The following EPHA5 variants were observed in gnomAD, a reference collection of about 807,000 sequenced individuals.
EPHA5 encodes EPH receptor A5.
In EPHA5, 60 loss-of-function variants were observed where a neutral mutation model predicts 105.0. The ratio of observed to expected loss-of-function variants is 0.57; its 90% CI spans 0.46 to 0.71. The LOEUF (loss-of-function observed/expected upper bound fraction) is 0.71, where lower values mean the gene tolerates loss of function less well. Among genes scored for constraint, EPHA5 ranks in the 30% least tolerant of loss-of-function variants. The pLI is 0.00. For synonymous variants in EPHA5, 513 were observed against 449.1 expected, an observed-to-expected ratio of 1.14 and a Z score of -1.80; for missense variants, 1,218 against 1,274.7, an observed-to-expected ratio of 0.96 and a Z score of 0.68.
rs1553945713 is a variant in EPHA5, at chr4:65,585,120, T to TG, written c.910+16520_910+16521insC. On this transcript the variant is annotated intron_variant, in intron 3 of 16. Coordinates refer to ENST00000613740, the MANE Select transcript of EPHA5 (RefSeq NM_001281766.3). ...CATGTATATGTGTGTGCATGTGTGT[T>TG]TGTGTGTGTGTGTGTGTGTGTGTGT... Among the ~76,000 whole-genome samples, 191 of 149,012 alleles carry TG rather than the reference T, an allele frequency of 1.3e-3. 1 individual carries two copies. In the South Asian group the frequency reaches 0.016, roughly 13 times the overall value.
At position 65,358,127 on chromosome 4, in the gene EPHA5, A is replaced by G. The variant is rs923512665; in HGVS notation, c.2174-5024T>C. On this transcript the variant is annotated intron_variant, in intron 11 of 16. Transcript: ENST00000613740. Reference sequence around the variant, plus strand: ...TTGAAACAGATTCTGCAATTTAGCAATATCCCCAGAGGCACATTAAATTTT... The same window carrying G: ...TTGAAACAGATTCTGCAATTTAGCAGTATCCCCAGAGGCACATTAAATTTT... Among the ~76,000 whole-genome samples the G allele has an allele frequency of 2.0e-5, 3 of 151,488 alleles. No homozygotes were observed. In the Admixed American group the frequency reaches 2.0e-4, roughly 10 times the overall value.
intron 3 of EPHA5, among the ~76,000 whole-genome samples, chr4:65,530,556 A>G (rs371590456): frequency 3.9e-5 from 6 of 152,120 alleles, no homozygotes; most frequent in African/African-American, 1.4e-4. Context: ...AAATTATAGA[A>G]ATTGTTGAAT....
chr4:65,641,566 C>A (rs1292830577), intron 2 of EPHA5, among the ~76,000 whole-genome samples: 4 of 152,058 alleles, frequency 2.6e-5, no homozygotes, highest in Admixed American at 2.6e-4. Context: ...ATTGTATATA[C>A]CTTGAACATT....
In EPHA5 at chr4:65,326,038, A is replaced by G. The variant is rs192837853; in HGVS notation, c.2946-1819T>C. ...TCATATATATATATATCTCATATAT[A>G]TATGTATATATATGTATATATATAT... On this transcript the variant is annotated intron_variant, in intron 16 of 16. Transcript: ENST00000613740. 2.9e-4 allele frequency among the ~76,000 whole-genome samples: 43 copies of G among 147,760 alleles called. 1 individual carries two copies. Among genetic ancestry groups the G allele is most frequent in the African/African-American group, 1.0e-3 (41 of 40,714 alleles).
At chr4:65,341,452 G>C (rs1023209015) in intron 14 of EPHA5, among the ~76,000 whole-genome samples, 3 of 151,796 alleles carry the variant, frequency 2.0e-5, no homozygotes, top group African/African-American at 4.8e-5. Flanking sequence ...TAATTTGAGA[G>C]AGATATGAAT....
chr4:65,538,543 G>A (rs562448004), intron 3 of EPHA5, among the ~76,000 whole-genome samples: 7 of 151,654 alleles, frequency 4.6e-5, no homozygotes, highest in Non-Finnish European at 8.9e-5. Flanking sequence ...TAATACATTG[G>A]CTAGTTTTTA....
At chr4:65,381,629 T>C (rs1047431592) in intron 8 of EPHA5, among the ~76,000 whole-genome samples, 27 of 151,870 alleles carry the variant, frequency 1.8e-4, no homozygotes, top group Non-Finnish European at 1.8e-4. Context: ...AATAGTTTTA[T>C]ACATTCCTTA....
At chr4:65,419,633 G>T (rs1416323031) in intron 6 of EPHA5, among the ~76,000 whole-genome samples, 1 of 152,166 alleles carries the variant, frequency 6.6e-6, no homozygotes, top group Non-Finnish European at 1.5e-5. Flanking sequence ...AGGTGCGTAT[G>T]CCATTCAGGT....
intron 5 of EPHA5, among the ~76,000 whole-genome samples, chr4:65,447,289 T>C (rs1444073649): frequency 3.9e-5 from 6 of 152,056 alleles, no homozygotes. Context: ...GAGACTATGA[T>C]ATTCACTTAG....
In EPHA5 at chr4:65,495,476, A is replaced by C. The variant is rs939867549; in HGVS notation, c.978T>G (p.Ser326Arg). ...IQSCGKCPPH[S>R]YTHEEASTSC... ...AGGTTGAAGCTTCCTCATGGGTATA[A>C]CTGTGAGGTGGACATTTGCCGCAGC... Residue 326 changes from serine to arginine, a missense_variant, in exon 4 of 17, where the codon AGT (serine) becomes AGG (arginine). Physicochemically the swap from Ser to Arg is moderately radical, Grantham distance 110. Transcript: ENST00000613740. The C allele has an allele frequency of 6.2e-7, 1 of 1,613,650 alleles. No individual in the cohort carries two copies. The highest frequency in any genetic ancestry group is 8.5e-7 in the Non-Finnish European group (1 of 1,179,726).
intron 11 of EPHA5, among the ~76,000 whole-genome samples, chr4:65,356,797 T>C (rs1284320138): frequency 6.6e-6 from 1 of 151,522 alleles, no homozygotes; most frequent in Non-Finnish European, 1.5e-5. Flanking sequence ...TTAGTTTGGC[T>C]TATGTTTTGT....
intron 3 of EPHA5, among the ~76,000 whole-genome samples, chr4:65,531,273 A>T (rs949517793): frequency 2.0e-5 from 3 of 149,818 alleles, no homozygotes; most frequent in Non-Finnish European, 4.4e-5. Flanking sequence ...TCCTGACCTC[A>T]TGATCCACCC....
At chr4:65,526,678 C>T (rs1201571363) in intron 3 of EPHA5, among the ~76,000 whole-genome samples, 1 of 151,854 alleles carries the variant, frequency 6.6e-6, no homozygotes. Context: ...TAAGCCTGAT[C>T]TCTGACATCA....
At chr4:65,436,316 T>C (rs1725477440) in intron 5 of EPHA5, among the ~76,000 whole-genome samples, 2 of 151,862 alleles carry the variant, frequency 1.3e-5, no homozygotes, top group Admixed American at 6.6e-5. Context: ...CCTAATCAAC[T>C]ACTATCAAGA....
chr4:65,495,812 G>T (rs1331269938), intron 3 of EPHA5, among the ~76,000 whole-genome samples: 1 of 152,072 alleles, frequency 6.6e-6, no homozygotes, highest in African/African-American at 2.4e-5. Context: ...GAATTATATT[G>T]ATAAAAGGCA....
In EPHA5 at chr4:65,497,156, T is replaced by TA. The variant is rs1732027632; in HGVS notation, c.911-1614dup. 2.0e-5 allele frequency among the ~76,000 whole-genome samples: 3 copies of TA among 152,146 alleles called. No individual in the cohort carries two copies. In the South Asian group the frequency reaches 6.2e-4, roughly 31 times the overall value. The stretch of plus-strand genomic sequence containing the variant: ...TTTTCTATTTTCAAAGCTCACTACA[T>TA]ATACTGAAGTATGACGCATATTTGC... On this transcript the variant is annotated intron_variant, in intron 3 of 16. Coordinates refer to ENST00000613740, the MANE Select transcript of EPHA5 (RefSeq NM_001281766.3).
At chr4:65,533,951 A>AAAAG (rs145816997) in intron 3 of EPHA5, among the ~76,000 whole-genome samples, 73,975 of 149,774 alleles carry the variant, frequency 0.49, 18,521 homozygotes, top group Non-Finnish European at 0.52. Flanking sequence ...ATAAATAAAT[A>AAAAG]AAAGAAAGAA....
intron 3 of EPHA5, among the ~76,000 whole-genome samples, chr4:65,510,210 T>G (rs879709259): frequency 2.9e-5 from 4 of 137,352 alleles, no homozygotes; most frequent in East Asian, 2.2e-4. Context: ...AATTTTGTGT[T>G]TTTTTTTTTT....
At chr4:65,622,582 A>T (rs1031615220) in intron 2 of EPHA5, among the ~76,000 whole-genome samples, 34 of 152,122 alleles carry the variant, frequency 2.2e-4, no homozygotes, top group Admixed American at 2.6e-4. Flanking sequence ...AAATTTGTTC[A>T]ATTTAATGGC....
Sources: allele counts gnomAD v4.1 joint callset (sites outside exome capture counted in the v4.1 genomes callset), GRCh38; gene constraint gnomAD v4.1.1; transcripts MANE v1.5; gene names NCBI Gene and HGNC (gene_info 2026-07-23, HGNC 2026-07-21).